TRIP12: variants seen among roughly 807,000 people sequenced by gnomAD.
The protein encoded by TRIP12 is E3 ubiquitin-protein ligase TRIP12.
TRIP12 carries 25 observed loss-of-function variants against 244.2 expected under a neutral mutation model. The observed-to-expected ratio is 0.10, with a 90% CI of 0.07 to 0.14. The LOEUF is 0.14. TRIP12 is among the 10% of genes least tolerant of loss of function. The probability of loss-of-function intolerance (pLI) is 1.00; values close to 1 mark genes in which losing one functional copy is unlikely to be tolerated. For synonymous variants in TRIP12, 905 were observed against 873.1 expected, an observed-to-expected ratio of 1.04 and a Z score of -0.64; for missense variants, 1,677 against 2,486.4, an observed-to-expected ratio of 0.67 and a Z score of 6.92.
In TRIP12 at chr2:229,804,019, C is replaced by T. The variant is rs374658520; in HGVS notation, c.2859G>A (p.Leu953=). Residue 953 remains leucine (L), a synonymous_variant, in exon 19 of 42, where the codon CTG becomes CTA. Transcript: ENST00000675903. ...FADAELLKDV[L]KNHAVSSHIA... is the part of the protein sequence containing the mutation. ...CACACCTTGAAACAGCATGATTTTT[C>T]AGAACATCCTTCAGAAGTTCAGCAT... 6.8e-6 allele frequency: 11 copies of T among 1,612,572 alleles called. No individual in the cohort carries two copies. The highest frequency in any genetic ancestry group is 1.3e-5 in the African/African-American group (1 of 74,812).
chr2:229,771,313 AC>A (rs1401287080), intron 39 of TRIP12, among the ~76,000 whole-genome samples: 1 of 152,158 alleles, frequency 6.6e-6, no homozygotes, highest in Non-Finnish European at 1.5e-5. Flanking sequence ...CACGCGTGGA[AC>A]CCGCTCCCCA....
chr2:229,854,073 G>A (rs1238573814), intron 4 of TRIP12, among the ~76,000 whole-genome samples: 2 of 152,036 alleles, frequency 1.3e-5, no homozygotes, highest in Non-Finnish European at 1.5e-5. Flanking sequence ...AATTTAAGGG[G>A]TGCAAGTGCA....
intron 25 of TRIP12, among the ~76,000 whole-genome samples, chr2:229,795,614 T>C (rs760733354): frequency 9.2e-5 from 14 of 152,196 alleles, no homozygotes; most frequent in Admixed American, 6.5e-4. Context: ...CATAAGGCTA[T>C]TTACAGTCTT....
chr2:229,800,527 T>A (rs1042456528), intron 21 of TRIP12, among the ~76,000 whole-genome samples: 1 of 152,114 alleles, frequency 6.6e-6, no homozygotes, highest in African/African-American at 2.4e-5. Flanking sequence ...TGTGCTCAAA[T>A]GTGCTTGACA....
At chr2:229,865,341 AAAG>A (rs1298278746) in intron 2 of TRIP12, among the ~76,000 whole-genome samples, 257 of 35,358 alleles carry the variant, frequency 7.3e-3, no homozygotes, top group African/African-American at 0.032. Context: ...AAAAAAAAAA[AAAG>A]AAAGAAAGAA....
chr2:229,801,007 A>T (rs934664461), intron 21 of TRIP12, among the ~76,000 whole-genome samples: 1 of 152,240 alleles, frequency 6.6e-6, no homozygotes, highest in East Asian at 1.9e-4. Context: ...TAATTTACTG[A>T]GTATCTATGA....
chr2:229,855,135 C>T (rs1327367519), intron 4 of TRIP12, among the ~76,000 whole-genome samples: 2 of 152,062 alleles, frequency 1.3e-5, no homozygotes, highest in Non-Finnish European at 2.9e-5. Context: ...GGCATGGTGG[C>T]GCGTGCCTAT....
intron 2 of TRIP12, among the ~76,000 whole-genome samples, chr2:229,867,105 T>C (rs1033818344): frequency 1.3e-5 from 2 of 150,908 alleles, no homozygotes; most frequent in Non-Finnish European, 3.0e-5. Context: ...GGGTTTTTTT[T>C]TTTGTTTTTT....
chr2:229,853,216 A>C (rs188922752), intron 4 of TRIP12, among the ~76,000 whole-genome samples: 200 of 152,322 alleles, frequency 1.3e-3, no homozygotes, highest in African/African-American at 3.8e-3. Flanking sequence ...AATAAAATAA[A>C]AAACCTACCC....
intron 2 of TRIP12, among the ~76,000 whole-genome samples, chr2:229,862,489 A>C (rs1394044981): frequency 6.6e-6 from 1 of 152,212 alleles, no homozygotes; most frequent in Non-Finnish European, 1.5e-5. Flanking sequence ...ATCGTTGCAG[A>C]CTGATGTTTT....
At chr2:229,784,049 G>T (rs1316282048) in intron 34 of TRIP12, among the ~76,000 whole-genome samples, 1 of 150,596 alleles carries the variant, frequency 6.6e-6, no homozygotes, top group Non-Finnish European at 1.5e-5. Flanking sequence ...GGCAGAGGTT[G>T]CAGTGAGCTG....
At chr2:229,836,762 G>C in intron 6 of TRIP12, 86 bp downstream of exon 6, 1 of 1,422,326 alleles carries the variant, frequency 7.0e-7, no homozygotes, top group South Asian at 1.4e-5. Flanking sequence ...TTATACGATA[G>C]TAACACCTAG....
At chr2:229,885,760 G>A (rs1305569809) in intron 1 of TRIP12, among the ~76,000 whole-genome samples, 3 of 152,064 alleles carry the variant, frequency 2.0e-5, no homozygotes, top group Admixed American at 6.6e-5. Flanking sequence ...GAGAGGTGCC[G>A]AGAAACAATG....
At chr2:229,818,217 T>G in intron 9 of TRIP12, 147 bp downstream of exon 9, 1 of 869,386 alleles carries the variant, frequency 1.2e-6, no homozygotes, top group South Asian at 2.0e-5. Flanking sequence ...TCTGTAAGCA[T>G]GAAATACAAG....
chr2:229,875,177 A>C (rs1276884026), intron 2 of TRIP12, among the ~76,000 whole-genome samples: 1 of 152,262 alleles, frequency 6.6e-6, no homozygotes, highest in East Asian at 1.9e-4. Flanking sequence ...TAAGATGCCT[A>C]GTTCAACTGT....
At position 229,764,552 on chromosome 2, in the gene TRIP12, C is replaced by G. The variant is rs2031225894; in HGVS notation, c.*3002G>C. 1 of 152,234 alleles carries G rather than the reference C, an allele frequency of 6.6e-6. No individual in the cohort carries two copies. The highest frequency in any genetic ancestry group is 6.5e-5 in the Admixed American group (1 of 15,282). The allele number at this position is 152,234 out of a possible 1,614,324, so 9.4% of individuals were successfully genotyped here. A position where few individuals can be genotyped will look rare whatever the true frequency, so the allele number is the denominator to read the frequency against. Reference sequence around the variant, plus strand: ...ATAGACTCCACTCTCATTTCCTGAGCTCACGCTCACAGACAGGAGTCGAGA... The same window carrying G: ...ATAGACTCCACTCTCATTTCCTGAGGTCACGCTCACAGACAGGAGTCGAGA... On this transcript the variant is annotated 3_prime_UTR_variant, in exon 42 of 42. Coordinates refer to ENST00000675903, the MANE Select transcript of TRIP12 (RefSeq NM_001348323.3).
At chr2:229,820,566 T>A (rs2049786342) in intron 8 of TRIP12, among the ~76,000 whole-genome samples, 1 of 152,174 alleles carries the variant, frequency 6.6e-6, no homozygotes, top group Admixed American at 6.5e-5. Flanking sequence ...AATACAAAAA[T>A]TTTAAATATT....
At chr2:229,848,830 G>C (rs2058089695) in intron 4 of TRIP12, among the ~76,000 whole-genome samples, 1 of 152,164 alleles carries the variant, frequency 6.6e-6, no homozygotes, top group Admixed American at 6.5e-5. Context: ...AATTCTGAAG[G>C]AAAGTAATTC....
chr2:229,823,267 A>T (rs1303622112), intron 8 of TRIP12, among the ~76,000 whole-genome samples: 1 of 152,218 alleles, frequency 6.6e-6, no homozygotes, highest in Non-Finnish European at 1.5e-5. Flanking sequence ...AGGAAACATC[A>T]CTTAAACCCT....
Sources: allele counts gnomAD v4.1 joint callset (sites outside exome capture counted in the v4.1 genomes callset), GRCh38; gene constraint gnomAD v4.1.1; transcripts MANE v1.5; gene names NCBI Gene and HGNC (gene_info 2026-07-23, HGNC 2026-07-21).